KAZN: variants seen among roughly 807,000 people sequenced by gnomAD.
The protein encoded by KAZN is kazrin, periplakin interacting protein, also known as kazrin.
In KAZN, 40 loss-of-function variants were observed where a neutral mutation model predicts 87.4. The ratio of observed to expected loss-of-function variants is 0.46; its 90% CI spans 0.36 to 0.60. KAZN has a LOEUF of 0.60. Ranked by LOEUF, KAZN falls within the 20% of genes least tolerant of loss-of-function variation. The pLI is 0.00. For synonymous variants in KAZN, 466 were observed against 458.3 expected, an observed-to-expected ratio of 1.02 and a Z score of -0.22; for missense variants, 898 against 1,073.9, an observed-to-expected ratio of 0.84 and a Z score of 2.29.
chr1:15,000,940 AAAAAATTTAAAC>A (rs377277355), intron 2 of KAZN, among the ~76,000 whole-genome samples: 40 of 151,580 alleles, frequency 2.6e-4, no homozygotes, highest in Middle Eastern at 6.8e-3. Context: ...CCTATCTCTA[AAAAAATTTAAAC>A]ATTATCCAGG....
chr1:14,623,189 A>G (rs1462489695), intron 1 of KAZN, among the ~76,000 whole-genome samples: 1 of 152,226 alleles, frequency 6.6e-6, no homozygotes, highest in Non-Finnish European at 1.5e-5. Context: ...TCATTGCAGC[A>G]CTATTCACAA....
At position 14,419,022 on chromosome 1, in the gene KAZN, A is replaced by G. The variant is rs1297743715; in HGVS notation, c.250-179961A>G. Among the ~76,000 whole-genome samples, 3 of 152,340 alleles carry G rather than the reference A, an allele frequency of 2.0e-5. No homozygotes were observed. In the East Asian group the frequency reaches 5.8e-4, roughly 29 times the overall value. On this transcript the variant is annotated intron_variant, in intron 2 of 16. Transcript: ENST00000636203. ...GGATACAACTGTCAACGAGTGTTCA[A>G]TAAGCACATGGAAAAATACAAGGAT...
chr1:15,020,867 A>G (rs10927632), intron 2 of KAZN, among the ~76,000 whole-genome samples: 87,657 of 152,032 alleles, frequency 0.58, 25,436 homozygotes, highest in Non-Finnish European at 0.61. Context: ...CATCACTCTA[A>G]GGAGCGGCAG....
At chr1:14,444,306 A>ATTTTTTTTTTTTTT (rs35461813) in intron 2 of KAZN, among the ~76,000 whole-genome samples, 1 of 95,238 alleles carries the variant, frequency 1.0e-5, no homozygotes, top group African/African-American at 4.5e-5. Context: ...TAAATTCATG[A>ATTTTTTTTTTTTTT]TTTTTTTTTT....
chr1:14,517,170 A>G (rs1324241095), intron 2 of KAZN, among the ~76,000 whole-genome samples: 1 of 152,086 alleles, frequency 6.6e-6, no homozygotes, highest in African/African-American at 2.4e-5. Flanking sequence ...CGTGTGACCC[A>G]TGCCAGGCTA....
Position 14,209,819 on chromosome 1 carries a change from C to T in KAZN, c.249+29227C>T, listed in dbSNP as rs112228618. ...CAAAGGTGGCCTACATCACTGTGTC[C>T]CCAATGATGACAATCTGGACATCAG... On this transcript the variant is annotated intron_variant, in intron 2 of 16. Transcript: ENST00000636203. Among the ~76,000 whole-genome samples, 548 of 152,228 alleles carry T rather than the reference C, an allele frequency of 3.6e-3. 3 individuals carry two copies. Among genetic ancestry groups the T allele is most frequent in the African/African-American group, 0.012 (514 of 41,546 alleles).
chr1:14,244,110 AAAAC>A (rs199760917), intron 2 of KAZN, among the ~76,000 whole-genome samples: 288 of 151,930 alleles, frequency 1.9e-3, no homozygotes, highest in African/African-American at 5.9e-3. Flanking sequence ...GGCTTCTGTT[AAAAC>A]AAACAAACAA....
intron 1 of KAZN, among the ~76,000 whole-genome samples, chr1:14,609,463 T>A (rs1245707728): frequency 6.6e-6 from 1 of 152,244 alleles, no homozygotes; most frequent in Non-Finnish European, 1.5e-5. Context: ...AAAAGCAACC[T>A]TGTTTAAACT....
chr1:14,147,999 C>T (rs1270015677), intron 1 of KAZN, among the ~76,000 whole-genome samples: 1 of 151,964 alleles, frequency 6.6e-6, no homozygotes, highest in African/African-American at 2.4e-5. Context: ...GTGGGAGGAT[C>T]ACTTGAGCCC....
At chr1:14,137,701 CTTT>C (rs35819477) in intron 1 of KAZN, among the ~76,000 whole-genome samples, 285 of 65,036 alleles carry the variant, frequency 4.4e-3, no homozygotes, top group South Asian at 0.019. Flanking sequence ...AAATATAAGG[CTTT>C]TTTTTTTTTT....
chr1:14,543,943 T>C (rs1379871195), intron 2 of KAZN, among the ~76,000 whole-genome samples: 3 of 152,226 alleles, frequency 2.0e-5, no homozygotes, highest in Non-Finnish European at 2.9e-5. Context: ...CTTTGTTGCC[T>C]ATTAAGACAA....
At chr1:14,289,166 G>A (rs1291518590) in intron 2 of KAZN, among the ~76,000 whole-genome samples, 18 of 152,178 alleles carry the variant, frequency 1.2e-4, no homozygotes, top group Non-Finnish European at 2.9e-5. Context: ...CTGTTGATTG[G>A]GGTGGAGAGT....
rs375184576 is a variant in KAZN, at chr1:14,072,314, C to T, written c.92-108121C>T. Among the ~76,000 whole-genome samples the T allele has an allele frequency of 2.5e-3, 382 of 152,218 alleles. 2 individuals are homozygous for T. Among genetic ancestry groups the T allele is most frequent in the African/African-American group, 8.7e-3 (361 of 41,508 alleles). ...TTTTTGCTTCTCCAATTTGCTAGGG[C>T]TTTTTCATCTAGGACCAGGAGGACT... On this transcript the variant is annotated intron_variant, in intron 1 of 16. Transcript: ENST00000636203.
At chr1:14,342,430 A>G (rs1226278081) in intron 2 of KAZN, among the ~76,000 whole-genome samples, 1 of 152,184 alleles carries the variant, frequency 6.6e-6, no homozygotes, top group East Asian at 1.9e-4. Flanking sequence ...GACAATCTGT[A>G]TTGTACTAAT....
At chr1:15,036,216 CTACCTCTCCCCCCATCCCCCT>C (rs1672248214) in intron 3 of KAZN, among the ~76,000 whole-genome samples, 1 of 111,650 alleles carries the variant, frequency 9.0e-6, no homozygotes, top group Non-Finnish European at 1.9e-5. Context: ...CCTACCCTGC[CTACCTCTCCCCCCATCCCCCT>C]CTGCCCTGCC....
chr1:14,757,922 AG>A (rs1227866361), intron 1 of KAZN, among the ~76,000 whole-genome samples: 1 of 152,128 alleles, frequency 6.6e-6, no homozygotes, highest in Admixed American at 6.6e-5. Context: ...AGAGAGAGGG[AG>A]GAATACGTTT....
In KAZN at chr1:15,025,255, T is replaced by C. The variant is rs116896629; in HGVS notation, c.419-9494T>C. Among the ~76,000 whole-genome samples, 50 of 152,310 alleles carry C rather than the reference T, an allele frequency of 3.3e-4. No individual in the cohort carries two copies. In the East Asian group the frequency reaches 9.3e-3, roughly 28 times the overall value. On this transcript the variant is annotated intron_variant, in intron 2 of 14. Transcript: ENST00000376030. ...CCCAGGTGAGGGAAATAAAGTCTGC[T>C]CTTTCACCCTTAAGCATGCTGTTTG...
At chr1:14,205,902 A>AAAAAAAAAAAAAAAAAAAAAAAAC (rs1347848492) in intron 2 of KAZN, among the ~76,000 whole-genome samples, 1 of 56,556 alleles carries the variant, frequency 1.8e-5, no homozygotes, top group African/African-American at 8.1e-5. Context: ...AAAAAAAAAA[A>AAAAAAAAAAAAAAAAAAAAAAAAC]AAAAGCTACC....
In KAZN at chr1:14,834,274, G is replaced by A. The variant is rs556829970; in HGVS notation, c.227-126410G>A. On this transcript the variant is annotated intron_variant, in intron 1 of 14. Coordinates refer to ENST00000376030, the MANE Select transcript of KAZN (RefSeq NM_201628.3). ...TGGTCTTGAACTCCTGACCTCAGGC[G>A]ATCCACCTACCTCGGCCTCCCAAAG... Among the ~76,000 whole-genome samples, 12 of 151,486 alleles carry A rather than the reference G, an allele frequency of 7.9e-5. No individual in the cohort carries two copies. In the East Asian group the frequency reaches 9.7e-4, roughly 12 times the overall value.
Sources: gnomAD v4.1 joint callset for allele counts (sites outside exome capture counted in the v4.1 genomes callset) on GRCh38, gnomAD v4.1.1 for gene constraint, MANE v1.5 for transcripts, NCBI Gene and HGNC (gene_info 2026-07-23, HGNC 2026-07-21) for gene names.